CHRM3: variants seen among roughly 807,000 people sequenced by gnomAD.
CHRM3 encodes the protein muscarinic acetylcholine receptor M3.
In CHRM3, 11 loss-of-function variants were observed where a neutral mutation model predicts 41.8. The observed-to-expected ratio is 0.26, with a 90% CI of 0.17 to 0.44. The LOEUF (loss-of-function observed/expected upper bound fraction) is 0.44. Ranked by LOEUF, CHRM3 falls within the 20% of genes least tolerant of loss-of-function variation. The pLI, the probability that CHRM3 is intolerant of heterozygous loss-of-function variation, is 1.00. For synonymous variants in CHRM3, 297 were observed against 301.4 expected, an observed-to-expected ratio of 0.99 and a Z score of 0.15; for missense variants, 571 against 745.4, an observed-to-expected ratio of 0.77 and a Z score of 2.72.
At chr1:239,492,084 G>A in intron 1 of CHRM3, among the ~76,000 whole-genome samples, 1 of 152,192 alleles carries the variant, frequency 6.6e-6, no homozygotes, top group South Asian at 2.1e-4. Flanking sequence ...ATATCAAGAT[G>A]TCAAATAACT....
At chr1:239,697,609 G>A (rs538689279) in intron 5 of CHRM3, among the ~76,000 whole-genome samples, 2 of 152,232 alleles carry the variant, frequency 1.3e-5, no homozygotes, top group South Asian at 2.1e-4. Context: ...CCTAAGAACC[G>A]ACATCCAGCA....
At chr1:239,567,574 T>C (rs920693501) in intron 3 of CHRM3, among the ~76,000 whole-genome samples, 1 of 152,160 alleles carries the variant, frequency 6.6e-6, no homozygotes. Context: ...GAAGCAATAA[T>C]TAAAACAGTG....
chr1:239,503,232 G>T (rs540978717), intron 2 of CHRM3, among the ~76,000 whole-genome samples: 7 of 152,242 alleles, frequency 4.6e-5, no homozygotes, highest in African/African-American at 1.4e-4. Context: ...CAAGATTAAT[G>T]TACACAAATC....
At chr1:239,757,555 G>A (rs796927688) in intron 5 of CHRM3, among the ~76,000 whole-genome samples, 4 of 151,862 alleles carry the variant, frequency 2.6e-5, no homozygotes, top group Non-Finnish European at 4.4e-5. Context: ...GCGTGAACCC[G>A]GGAGGTGGAG....
At chr1:239,660,283 C>A (rs1673070964) in intron 4 of CHRM3, among the ~76,000 whole-genome samples, 1 of 152,096 alleles carries the variant, frequency 6.6e-6, no homozygotes. Context: ...ACACCTGGCC[C>A]TAACTCTCTT....
chr1:239,895,552 A>G (rs938318572), intron 6 of CHRM3, among the ~76,000 whole-genome samples: 2 of 133,844 alleles, frequency 1.5e-5, no homozygotes, highest in Admixed American at 6.9e-5. Context: ...TAGCAAAGAC[A>G]TGGAATCAAT....
At chr1:239,785,771 C>T (rs948937903) in intron 5 of CHRM3, among the ~76,000 whole-genome samples, 1 of 152,122 alleles carries the variant, frequency 6.6e-6, no homozygotes, top group Non-Finnish European at 1.5e-5. Context: ...GCTAAACTGA[C>T]TGATGGAAGC....
chr1:239,884,406 G>A (rs1677896602), intron 6 of CHRM3, among the ~76,000 whole-genome samples: 1 of 152,202 alleles, frequency 6.6e-6, no homozygotes, highest in Admixed American at 6.5e-5. Flanking sequence ...CTCTCCTAGA[G>A]CCTCTGGAGG....
chr1:239,606,425 A>G (rs552345602), intron 3 of CHRM3, among the ~76,000 whole-genome samples: 3 of 151,874 alleles, frequency 2.0e-5, no homozygotes, highest in Admixed American at 1.3e-4. Context: ...ACAGGCGCCC[A>G]CCAGCACGTT....
At chr1:239,861,636 T>C (rs928615922) in intron 6 of CHRM3, among the ~76,000 whole-genome samples, 39 of 152,158 alleles carry the variant, frequency 2.6e-4, no homozygotes, top group Non-Finnish European at 4.4e-4. Context: ...AGAGAAGTTG[T>C]GTGATGTGTT....
chr1:239,787,030 C>A (rs1668960374), intron 5 of CHRM3, among the ~76,000 whole-genome samples: 1 of 152,078 alleles, frequency 6.6e-6, no homozygotes, highest in Non-Finnish European at 1.5e-5. Flanking sequence ...GTCAGGAAGA[C>A]TAATCAGTGG....
chr1:239,663,104 G>A lies in CHRM3; in HGVS notation c.-249-15082G>A, dbSNP rs912937083. The stretch of plus-strand genomic sequence containing the variant: ...GGGAAGCAGAAGGTCTCAGTCAGTC[G>A]GGGCTGTCCCGGTGCCGGGCAGCTC... On this transcript the variant is annotated intron_variant, in intron 4 of 6. Transcript: ENST00000676153. Among the ~76,000 whole-genome samples the A allele has an allele frequency of 3.3e-5, 5 of 151,588 alleles. No homozygotes were observed. In the South Asian group the frequency reaches 6.2e-4, roughly 19 times the overall value.
chr1:239,690,466 T>C (rs1346774765), intron 5 of CHRM3, among the ~76,000 whole-genome samples: 1 of 152,016 alleles, frequency 6.6e-6, no homozygotes, highest in Non-Finnish European at 1.5e-5. Flanking sequence ...CCTGACCTCA[T>C]GATCAGCCCG....
chr1:239,736,003 A>G (rs1664360932), intron 5 of CHRM3, among the ~76,000 whole-genome samples: 1 of 151,914 alleles, frequency 6.6e-6, no homozygotes, highest in South Asian at 2.1e-4. Context: ...CCTATCCCCA[A>G]CCCTCCATAA....
At chr1:239,632,498 G>A (rs572100368) in intron 4 of CHRM3, among the ~76,000 whole-genome samples, 1 of 152,328 alleles carries the variant, frequency 6.6e-6, no homozygotes, top group South Asian at 2.1e-4. Flanking sequence ...ATAAAGGGAT[G>A]TTGATTGAGA....
At chr1:239,845,920 A>G (rs1023767386) in intron 6 of CHRM3, among the ~76,000 whole-genome samples, 3 of 152,186 alleles carry the variant, frequency 2.0e-5, no homozygotes, top group African/African-American at 7.2e-5. Context: ...TTAGACCTGA[A>G]GTTAGTATTG....
chr1:239,429,694 T>C lies in CHRM3; in HGVS notation c.-521+42467T>C, dbSNP rs557740768. ...TGATTTTTCATGTCGGGTATTTTTA[T>C]TTGGTTAGTCTGATTGCATTTTGCT... On this transcript the variant is annotated intron_variant, in intron 1 of 6. Coordinates refer to ENST00000676153, the MANE Select transcript of CHRM3 (RefSeq NM_001375978.1). 3.3e-5 allele frequency among the ~76,000 whole-genome samples: 5 copies of C among 152,296 alleles called. No individual in the cohort carries two copies. The East Asian group carries it at 9.7e-4, about 29-fold the overall frequency.
chr1:239,602,494 A>G (rs1665724263), intron 3 of CHRM3, among the ~76,000 whole-genome samples: 3 of 152,190 alleles, frequency 2.0e-5, no homozygotes, highest in Non-Finnish European at 4.4e-5. Flanking sequence ...TGTTAATAAA[A>G]TGTAGCATTT....
intron 5 of CHRM3, among the ~76,000 whole-genome samples, chr1:239,700,816 T>G (rs187282160): frequency 1.2e-3 from 190 of 152,244 alleles, no homozygotes; most frequent in South Asian, 3.7e-3. Context: ...CCTAGCGGCT[T>G]TGGGAAGTGT....
Sources: allele counts gnomAD v4.1 joint callset (sites outside exome capture counted in the v4.1 genomes callset), GRCh38; gene constraint gnomAD v4.1.1; transcripts MANE v1.5; gene names NCBI Gene and HGNC (gene_info 2026-07-23, HGNC 2026-07-21).